Variants in HRH1 observed in about 807,000 individuals in gnomAD.
The protein encoded by HRH1 is histamine H1 receptor.
HRH1 carries 6 observed loss-of-function variants against 10.3 expected under a neutral mutation model. The ratio of observed to expected loss-of-function variants is 0.58; its 90% CI spans 0.32 to 1.15. The LOEUF (loss-of-function observed/expected upper bound fraction) is 1.15, where lower values mean the gene tolerates loss of function less well. Among genes scored for constraint, HRH1 ranks in the 50% most tolerant of loss-of-function variants. The pLI is 0.05. For synonymous variants in HRH1, 242 were observed against 236.7 expected, an observed-to-expected ratio of 1.02 and a Z score of -0.21; for missense variants, 514 against 615.3, an observed-to-expected ratio of 0.84 and a Z score of 1.74.
intron 1 of HRH1, among the ~76,000 whole-genome samples, chr3:11,171,026 C>G (rs1006827314): frequency 5.9e-5 from 9 of 151,962 alleles, no homozygotes; most frequent in Non-Finnish European, 8.8e-5. Flanking sequence ...CTGTCTTTTT[C>G]TAACCTAGAA....
intron 1 of HRH1, among the ~76,000 whole-genome samples, chr3:11,216,955 G>A (rs771692214): frequency 2.6e-5 from 4 of 151,682 alleles, no homozygotes; most frequent in East Asian, 3.9e-4. Context: ...AGGCCGAGGC[G>A]GGCAGATTGC....
At chr3:11,138,721 T>G (rs79461661) in intron 1 of HRH1, among the ~76,000 whole-genome samples, 16 of 142,402 alleles carry the variant, frequency 1.1e-4, no homozygotes, top group African/African-American at 4.0e-4. Flanking sequence ...TTTTTTTTTT[T>G]TTGAGTGCAG....
intron 1 of HRH1, among the ~76,000 whole-genome samples, chr3:11,182,818 C>A (rs1937382845): frequency 6.6e-6 from 1 of 152,172 alleles, no homozygotes. Context: ...GGTGAAGTTT[C>A]TTACCTAAGG....
At chr3:11,180,264 G>T (rs904025371) in intron 1 of HRH1, among the ~76,000 whole-genome samples, 24 of 152,044 alleles carry the variant, frequency 1.6e-4, no homozygotes, top group African/African-American at 5.1e-4. Context: ...TACACCAGCA[G>T]TCCCCAACCT....
At chr3:11,242,949 C>T (rs1471367994) in intron 1 of HRH1, among the ~76,000 whole-genome samples, 4 of 151,696 alleles carry the variant, frequency 2.6e-5, no homozygotes, top group African/African-American at 9.7e-5. Context: ...GAGTCTTGCT[C>T]TGTCACCAGG....
chr3:11,185,526 T>C (rs765357110), intron 1 of HRH1, among the ~76,000 whole-genome samples: 3 of 152,208 alleles, frequency 2.0e-5, no homozygotes, highest in Non-Finnish European at 2.9e-5. Flanking sequence ...TGGCGCTCCA[T>C]GAATGCTTAT....
intron 1 of HRH1, among the ~76,000 whole-genome samples, chr3:11,190,178 C>T (rs1937513461): frequency 6.6e-6 from 1 of 151,742 alleles, no homozygotes; most frequent in African/African-American, 2.4e-5. Flanking sequence ...ATCAGCTGTC[C>T]CAGCCCAGAA....
intron 1 of HRH1, among the ~76,000 whole-genome samples, chr3:11,171,724 AG>A (rs1937155082): frequency 6.6e-6 from 1 of 152,212 alleles, no homozygotes; most frequent in Admixed American, 6.5e-5. Context: ...TTGGTCTTAG[AG>A]GACTAGAAGG....
chr3:11,143,286 G>T (rs35153937), intron 1 of HRH1, among the ~76,000 whole-genome samples: 3,780 of 152,292 alleles, frequency 0.025, 63 homozygotes, highest in Non-Finnish European at 0.04. Context: ...CTGCTGTGTG[G>T]AGAGTGGGCT....
At chr3:11,255,969 C>A (rs184935908) in intron 1 of HRH1, among the ~76,000 whole-genome samples, 1 of 152,226 alleles carries the variant, frequency 6.6e-6, no homozygotes, top group East Asian at 1.9e-4. Context: ...TGGACAATTC[C>A]ACAGGGTTTG....
Position 11,259,312 on chromosome 3 carries a change from A to G in HRH1, c.275A>G (p.Lys92Arg), listed in dbSNP as rs1314618326. Residue 92 changes from lysine (K) to arginine (R), a missense_variant, in exon 2 of 2, where the codon AAG becomes AGG. By Grantham distance (26) the Lys-to-Arg change is conservative. Transcript: ENST00000431010. The surrounding 1 kb of genome is among the most constrained non-coding windows in gnomAD (Gnocchi z 4.6). ...AACATCCTCTACCTGCTCATGTCCA[A>G]GTGGTCACTGGGCCGTCCTCTCTGC... Reference protein sequence around the residue: ...PMNILYLLMSKWSLGRPLCLF... With the variant: ...PMNILYLLMSRWSLGRPLCLF... 6.2e-6 allele frequency: 10 copies of G among 1,613,068 alleles called. No homozygotes were observed. Among genetic ancestry groups the G allele is most frequent in the Admixed American group, 3.3e-5 (2 of 59,956 alleles).
chr3:11,156,924 A>C (rs971612799), intron 1 of HRH1, among the ~76,000 whole-genome samples: 11 of 152,258 alleles, frequency 7.2e-5, no homozygotes, highest in African/African-American at 2.7e-4. Flanking sequence ...GTCTTACTGC[A>C]GTCTCAAGCT....
rs373373500 is a variant in HRH1 at position 11,259,925 on chromosome 3, A to G, written c.888A>G (p.Glu296=). The change falls in exon 2 of 2, where the codon GAA becomes GAG. Residue 296 remains glutamate (E), a synonymous_variant. Coordinates refer to ENST00000431010, the MANE Select transcript of HRH1 (RefSeq NM_001098212.2). The surrounding 1 kb of genome is among the most constrained non-coding windows in gnomAD (Gnocchi z 4.6). ...PVVFSQEDDR[E]VDKLYCFPLD... is the part of the protein sequence containing the mutation. The stretch of plus-strand genomic sequence containing the variant: ...TCTTCAGCCAAGAGGATGATAGAGA[A>G]GTAGACAAACTCTACTGCTTTCCAC... The G allele has an allele frequency of 1.2e-6, 2 of 1,614,114 alleles. No homozygotes were observed. The highest frequency in any genetic ancestry group is 1.7e-6 in the Non-Finnish European group (2 of 1,180,034).
intron 1 of HRH1, among the ~76,000 whole-genome samples, chr3:11,170,590 G>A (rs190159067): frequency 2.0e-4 from 30 of 152,360 alleles, no homozygotes; most frequent in East Asian, 5.8e-4. Context: ...ACCGAGGCAC[G>A]GAGAGGGGAA....
chr3:11,180,354 T>C (rs1353571886), intron 1 of HRH1, among the ~76,000 whole-genome samples: 2 of 152,148 alleles, frequency 1.3e-5, no homozygotes, highest in Non-Finnish European at 2.9e-5. Context: ...AGGATGAAAC[T>C]GTGCCACCTC....
At chr3:11,180,141 G>C (rs560038411) in intron 1 of HRH1, among the ~76,000 whole-genome samples, 1 of 152,102 alleles carries the variant, frequency 6.6e-6, no homozygotes, top group Non-Finnish European at 1.5e-5. Context: ...GAATTTGGTG[G>C]TTTTTAGTAT....
intron 1 of HRH1, among the ~76,000 whole-genome samples, chr3:11,237,727 G>A (rs1361530931): frequency 7.2e-6 from 1 of 138,306 alleles, no homozygotes; most frequent in Non-Finnish European, 1.5e-5. Flanking sequence ...CCAGGCTGGA[G>A]TGCAGTGGCG....
chr3:11,169,437 A>G (rs1234382244), intron 1 of HRH1, among the ~76,000 whole-genome samples: 1 of 152,136 alleles, frequency 6.6e-6, no homozygotes, highest in Non-Finnish European at 1.5e-5. Context: ...GGAGTGAGGA[A>G]GGACCATCAT....
At chr3:11,142,838 A>G (rs1936318478) in intron 1 of HRH1, among the ~76,000 whole-genome samples, 1 of 152,020 alleles carries the variant, frequency 6.6e-6, no homozygotes, top group African/African-American at 2.4e-5. Flanking sequence ...TGCTTGTACC[A>G]GGTAGGTGGA....
Sources: allele counts gnomAD v4.1 joint callset (sites outside exome capture counted in the v4.1 genomes callset), GRCh38; gene constraint gnomAD v4.1.1; non-coding constraint Gnocchi (gnomAD v3.1); transcripts MANE v1.5; gene names NCBI Gene and HGNC (gene_info 2026-07-23, HGNC 2026-07-21).